SCAMP1: variants seen among roughly 807,000 people sequenced by gnomAD.
The protein encoded by SCAMP1 is secretory carrier membrane protein 1, also known as secretory carrier-associated membrane protein 1.
Under a neutral mutation model 41.8 loss-of-function variants are expected in SCAMP1, and 15 were observed. The observed-to-expected ratio is 0.36, with a 90% CI of 0.24 to 0.55. SCAMP1 has a LOEUF of 0.55. Ranked by LOEUF, SCAMP1 falls within the 20% of genes least tolerant of loss-of-function variation. The probability of loss-of-function intolerance (pLI) is 0.86; values close to 1 mark genes in which losing one functional copy is unlikely to be tolerated. For missense variants in SCAMP1, 341 were observed against 412.6 expected, an observed-to-expected ratio of 0.83 and a Z score of 1.50; for synonymous variants, 135 against 136.8, an observed-to-expected ratio of 0.99 and a Z score of 0.09.
At chr5:78,432,141 C>A (rs1752640069) in intron 6 of SCAMP1, among the ~76,000 whole-genome samples, 1 of 152,130 alleles carries the variant, frequency 6.6e-6, no homozygotes, top group Non-Finnish European at 1.5e-5. Flanking sequence ...TTCCTGGCCT[C>A]TGGTCACCAT....
chr5:78,474,434 A>T (rs1753957951), intron 8 of SCAMP1, among the ~76,000 whole-genome samples: 1 of 152,184 alleles, frequency 6.6e-6, no homozygotes. Flanking sequence ...ATGAATGAAC[A>T]AATGTTTAGA....
chr5:78,384,609 A>G (rs1385248108), intron 1 of SCAMP1, among the ~76,000 whole-genome samples: 1 of 152,010 alleles, frequency 6.6e-6, no homozygotes, highest in African/African-American at 2.4e-5. Context: ...GATGGCTTTT[A>G]TTACCTTAAG....
In SCAMP1 at chr5:78,430,603, C is replaced by T. The variant is rs188313650; in HGVS notation, c.632+8643C>T. ...ACCTAGTGCTTATCAGATTCTCTTA[C>T]GTTTATATATAAATATATACTGTTT... On this transcript the variant is annotated intron_variant, in intron 6 of 8. Coordinates refer to ENST00000621999, the MANE Select transcript of SCAMP1 (RefSeq NM_004866.6). Among the ~76,000 whole-genome samples, 505 of 151,810 alleles carry T rather than the reference C, an allele frequency of 3.3e-3. 4 individuals are homozygous for T. Among genetic ancestry groups the T allele is most frequent in the African/African-American group, 0.011 (473 of 41,454 alleles).
Position 78,467,596 on chromosome 5 carries a change from T to C in SCAMP1, c.853-7908T>C, listed in dbSNP as rs115151679. 7.7e-3 allele frequency among the ~76,000 whole-genome samples: 1,177 copies of C among 152,294 alleles called. 13 individuals carry two copies. Among genetic ancestry groups the C allele is most frequent in the Non-Finnish European group, 0.011 (735 of 68,020 alleles). ...CTAATATTTTGTTGTTGTTGTTGTT[T>C]TTACCTCATAGTTAAAGAAGTTACC... On this transcript the variant is annotated intron_variant, in intron 8 of 8. Coordinates refer to ENST00000621999, the MANE Select transcript of SCAMP1 (RefSeq NM_004866.6).
In SCAMP1 at chr5:78,459,433, T is replaced by C. The variant is rs115919769; in HGVS notation, c.852+71T>C. Reference sequence around the variant, plus strand: ...AAGTTCTCATTTTCCTATTTTGCTATAATTTGGTGTAACCTGAAGCCATTT... The same window carrying C: ...AAGTTCTCATTTTCCTATTTTGCTACAATTTGGTGTAACCTGAAGCCATTT... On this transcript the variant is annotated intron_variant, in intron 8 of 8. Transcript: ENST00000621999. 4.4e-3 allele frequency: 3,433 copies of C among 774,182 alleles called. 93 individuals carry two copies. In the African/African-American group the frequency reaches 0.053, roughly 12 times the overall value. The allele number at this position is 774,182 out of a possible 1,614,324, so 48.0% of individuals were successfully genotyped here. A position where few individuals can be genotyped will look rare whatever the true frequency, so the allele number is the denominator to read the frequency against.
At chr5:78,371,277 A>G (rs916648340) in intron 1 of SCAMP1, among the ~76,000 whole-genome samples, 3 of 152,232 alleles carry the variant, frequency 2.0e-5, no homozygotes, top group Middle Eastern at 3.4e-3. Context: ...TTCTTCAAAG[A>G]GTTTTATAGT....
At chr5:78,421,599 A>G (rs1319010174) in intron 5 of SCAMP1, among the ~76,000 whole-genome samples, 34 of 152,228 alleles carry the variant, frequency 2.2e-4, no homozygotes, top group Admixed American at 2.0e-3. Flanking sequence ...CAGTACATGT[A>G]TTAAGACTCG....
intron 6 of SCAMP1, among the ~76,000 whole-genome samples, chr5:78,447,916 TG>T: frequency 2.6e-5 from 2 of 76,410 alleles, no homozygotes; most frequent in African/African-American, 5.4e-5. Flanking sequence ...TTCTCCCTCC[TG>T]CCTCCTTCCC....
At chr5:78,416,684 T>C in intron 4 of SCAMP1, 35 bp downstream of exon 4, 1 of 1,453,102 alleles carries the variant, frequency 6.9e-7, no homozygotes, top group Non-Finnish European at 9.4e-7. Context: ...AAAAATAACT[T>C]TTAAATACTT....
intron 2 of SCAMP1, among the ~76,000 whole-genome samples, chr5:78,392,148 G>A (rs1751534963): frequency 6.6e-6 from 1 of 152,186 alleles, no homozygotes; most frequent in East Asian, 1.9e-4. Flanking sequence ...CAAGAAATAT[G>A]TTTAGCATTT....
At chr5:78,436,832 G>A (rs1014062359) in intron 6 of SCAMP1, among the ~76,000 whole-genome samples, 8 of 152,086 alleles carry the variant, frequency 5.3e-5, no homozygotes, top group South Asian at 2.1e-4. Flanking sequence ...CCATTTTCAC[G>A]ATATTGATTC....
intron 7 of SCAMP1, among the ~76,000 whole-genome samples, chr5:78,457,323 C>G (rs1282539812): frequency 6.6e-6 from 1 of 152,060 alleles, no homozygotes; most frequent in Admixed American, 6.5e-5. Context: ...GTTTTATCTA[C>G]TTTTGGTCTT....
At position 78,429,026 on chromosome 5, in the gene SCAMP1, A is replaced by T. The variant is rs373887783; in HGVS notation, c.632+7066A>T. 2.1e-4 allele frequency among the ~76,000 whole-genome samples: 32 copies of T among 152,216 alleles called. No homozygotes were observed. The East Asian group carries it at 3.9e-3, about 18-fold the overall frequency. On this transcript the variant is annotated intron_variant, in intron 6 of 8. Transcript: ENST00000621999. ...TGTGTGTGTGCATGTGCTGGTGCAC[A>T]TGCATGCTCAAGATTCCTTGGGATT...
intron 1 of SCAMP1, among the ~76,000 whole-genome samples, chr5:78,375,533 A>G (rs543415588): frequency 2.0e-4 from 31 of 152,290 alleles, no homozygotes; most frequent in African/African-American, 7.2e-4. Flanking sequence ...GTAGCCTTCA[A>G]TTTCCCATTG....
chr5:78,403,378 A>G (rs1307482648), intron 2 of SCAMP1, among the ~76,000 whole-genome samples: 1 of 152,154 alleles, frequency 6.6e-6, no homozygotes, highest in Non-Finnish European at 1.5e-5. Context: ...TCGCTGATAT[A>G]TAAGCATATA....
chr5:78,397,941 G>A (rs1161278819), intron 2 of SCAMP1, among the ~76,000 whole-genome samples: 2 of 152,206 alleles, frequency 1.3e-5, no homozygotes, highest in Non-Finnish European at 2.9e-5. Flanking sequence ...CAAAGAGTCA[G>A]GCAATAGCGA....
chr5:78,373,703 G>C (rs1200894211), intron 1 of SCAMP1, among the ~76,000 whole-genome samples: 1 of 152,046 alleles, frequency 6.6e-6, no homozygotes, highest in Non-Finnish European at 1.5e-5. Context: ...GCTCAGATAT[G>C]GTACTACAAA....
intron 1 of SCAMP1, among the ~76,000 whole-genome samples, chr5:78,383,906 G>T (rs879646923): frequency 2.6e-5 from 4 of 152,106 alleles, no homozygotes; most frequent in Admixed American, 2.6e-4. Context: ...TCTTGCTTTG[G>T]CTATGTGGGC....
At chr5:78,438,264 T>C (rs1752816349) in intron 6 of SCAMP1, among the ~76,000 whole-genome samples, 1 of 152,226 alleles carries the variant, frequency 6.6e-6, no homozygotes, top group Non-Finnish European at 1.5e-5. Flanking sequence ...AGCTTTTGAA[T>C]GTGTTTGCTC....
Sources: allele counts gnomAD v4.1 joint callset (sites outside exome capture counted in the v4.1 genomes callset), GRCh38; gene constraint gnomAD v4.1.1; transcripts MANE v1.5; gene names NCBI Gene and HGNC (gene_info 2026-07-23, HGNC 2026-07-21).